The following GGACT variants were observed in gnomAD, a reference collection of about 807,000 sequenced individuals.
GGACT encodes gamma-glutamylaminecyclotransferase.
For synonymous variants in GGACT, 118 were observed against 115.3 expected, an observed-to-expected ratio of 1.02 and a Z score of -0.15; for missense variants, 241 against 233.2, an observed-to-expected ratio of 1.03 and a Z score of -0.22.
At chr13:100,552,200 C>T (rs1029523395) in intron 2 of GGACT, among the ~76,000 whole-genome samples, 1 of 152,178 alleles carries the variant, frequency 6.6e-6, no homozygotes, top group African/African-American at 2.4e-5. Flanking sequence ...AGGGGCTCTC[C>T]AGGAACTGAT....
At chr13:100,547,208 C>A (rs1443271943) in intron 2 of GGACT, among the ~76,000 whole-genome samples, 4 of 152,158 alleles carry the variant, frequency 2.6e-5, no homozygotes, top group Admixed American at 2.6e-4. Context: ...AGAAGCAGGA[C>A]GTGCAGAGTA....
chr13:100,577,888 G>C (rs909434256), intron 2 of GGACT, among the ~76,000 whole-genome samples: 1 of 152,144 alleles, frequency 6.6e-6, no homozygotes, highest in African/African-American at 2.4e-5. Flanking sequence ...ACTGGGATGT[G>C]TCTCTATCCC....
At position 100,530,777 on chromosome 13, in the gene GGACT, CG is replaced by C. The variant is rs1438883037; in HGVS notation, c.*1352del. 4.2e-5 allele frequency: 7 copies of C among 168,288 alleles called. No homozygotes were observed. The highest frequency in any genetic ancestry group is 2.8e-4 in the Admixed American group (5 of 17,668). The allele number at this position is 168,288 out of a possible 1,614,324, so 10.4% of individuals were successfully genotyped here. ...GTCACCCTGAAGCTTCCTGGTTGGC[CG>C]GGGGTGCTGTCTCCACTGTTTTTGT... On this transcript the variant is annotated 3_prime_UTR_variant, in exon 3 of 3. Coordinates refer to ENST00000683975, the MANE Select transcript of GGACT (RefSeq NM_001195087.2).
At chr13:100,583,438 C>G (rs1426965462) in intron 2 of GGACT, among the ~76,000 whole-genome samples, 1 of 152,154 alleles carries the variant, frequency 6.6e-6, no homozygotes, top group Non-Finnish European at 1.5e-5. Flanking sequence ...ATAAATAATT[C>G]TTATAAATCA....
rs897849474 is a variant in GGACT at position 100,534,097 on chromosome 13, A to ACTT, written c.-10-1499_-10-1497dup. Among the ~76,000 whole-genome samples the ACTT allele has an allele frequency of 6.6e-6, 1 of 152,198 alleles. No individual in the cohort carries two copies. The highest frequency in any genetic ancestry group is 6.5e-5 in the Admixed American group (1 of 15,276). On this transcript the variant is annotated intron_variant, in intron 2 of 2. Transcript: ENST00000683975. The surrounding 1 kb of genome is among the most constrained non-coding windows in gnomAD (Gnocchi z 4.9). ...GAAGAAGTCACACTGAACTCATGGGACTTCTGTTTTCTTCTCAGCAAACAA... is the reference window on the plus strand; with the variant it reads ...GAAGAAGTCACACTGAACTCATGGGACTTCTTCTGTTTTCTTCTCAGCAAACAA...
chr13:100,576,193 G>T (rs1194003714), intron 2 of GGACT, among the ~76,000 whole-genome samples: 1 of 152,118 alleles, frequency 6.6e-6, no homozygotes, highest in Non-Finnish European at 1.5e-5. Context: ...CCAATAACTT[G>T]TAAGAGAATT....
chr13:100,551,271 G>A (rs1467636396), intron 2 of GGACT, among the ~76,000 whole-genome samples: 5 of 151,786 alleles, frequency 3.3e-5, no homozygotes, highest in African/African-American at 1.2e-4. Context: ...GCGACAGAGC[G>A]AGACTCTGTC....
At chr13:100,566,581 A>G (rs1383384737) in intron 2 of GGACT, among the ~76,000 whole-genome samples, 12 of 152,210 alleles carry the variant, frequency 7.9e-5, no homozygotes, top group African/African-American at 2.6e-4. Context: ...CCTTTACCAG[A>G]TCCCTGGGGG....
At chr13:100,540,108 G>A (rs561711957) in intron 2 of GGACT, 58 of 1,570,722 alleles carry the variant, frequency 3.7e-5, no homozygotes, top group Middle Eastern at 1.9e-4. Flanking sequence ...TGACTGCTGC[G>A]GCCTCCACTA....
In GGACT at chr13:100,571,303, G is replaced by A. The variant is rs537104723; in HGVS notation, c.-11+12522C>T. 2.0e-5 allele frequency among the ~76,000 whole-genome samples: 3 copies of A among 152,314 alleles called. No individual in the cohort carries two copies. The East Asian group carries it at 5.8e-4, about 29-fold the overall frequency. On this transcript the variant is annotated intron_variant, in intron 2 of 2. Transcript: ENST00000683975. Reference sequence around the variant, plus strand: ...ATGAACTCATCCAAACTGATGCTGTGTCTTCGCAAGGAAAATTGAAAAGAC... The same window carrying A: ...ATGAACTCATCCAAACTGATGCTGTATCTTCGCAAGGAAAATTGAAAAGAC...
intron 2 of GGACT, among the ~76,000 whole-genome samples, chr13:100,561,722 C>A (rs892002130): frequency 1.3e-5 from 2 of 152,192 alleles, no homozygotes; most frequent in Admixed American, 1.3e-4. Context: ...CCCTTCACAC[C>A]TCCAACCCAG....
chr13:100,543,739 G>A (rs1224847280), intron 2 of GGACT, among the ~76,000 whole-genome samples: 1 of 152,246 alleles, frequency 6.6e-6, no homozygotes, highest in Non-Finnish European at 1.5e-5. Context: ...GTAGCATGAA[G>A]CTCAGGCCCC....
At chr13:100,535,288 A>G (rs1180288333) in intron 2 of GGACT, among the ~76,000 whole-genome samples, 3 of 152,220 alleles carry the variant, frequency 2.0e-5, no homozygotes, top group Non-Finnish European at 2.9e-5. Context: ...TGGAGGCAAC[A>G]CTTTTAAGGC....
intron 2 of GGACT, among the ~76,000 whole-genome samples, chr13:100,571,010 T>A (rs1380229067): frequency 1.3e-5 from 2 of 151,970 alleles, no homozygotes; most frequent in African/African-American, 4.8e-5. Flanking sequence ...TTATAGCCCT[T>A]GAGCTGTGTG....
chr13:100,577,707 G>A (rs1453819264), intron 2 of GGACT, among the ~76,000 whole-genome samples: 6 of 152,104 alleles, frequency 3.9e-5, no homozygotes, highest in African/African-American at 7.2e-5. Flanking sequence ...CTGATCCCGG[G>A]TGGGTGGCAC....
At chr13:100,559,661 A>C (rs2088741862) in intron 2 of GGACT, among the ~76,000 whole-genome samples, 1 of 151,468 alleles carries the variant, frequency 6.6e-6, no homozygotes, top group Admixed American at 6.6e-5. Flanking sequence ...CACCTGGCTA[A>C]TTTTTGTATT....
chr13:100,562,342 A>T (rs2153015330), intron 2 of GGACT, among the ~76,000 whole-genome samples: 1 of 152,306 alleles, frequency 6.6e-6, no homozygotes, highest in South Asian at 2.1e-4. Flanking sequence ...TTCCTTGCAC[A>T]AACACCATTT....
chr13:100,554,926 T>C (rs1470285563), intron 2 of GGACT, among the ~76,000 whole-genome samples: 1 of 152,110 alleles, frequency 6.6e-6, no homozygotes, highest in Non-Finnish European at 1.5e-5. Flanking sequence ...ATGAACAACA[T>C]TATACCAATA....
chr13:100,574,511 G>A (rs953681822), intron 2 of GGACT, among the ~76,000 whole-genome samples: 2 of 152,180 alleles, frequency 1.3e-5, no homozygotes, highest in Admixed American at 1.3e-4. Context: ...GGGAGGCAGA[G>A]GTTGCAGTGA....
Sources: gnomAD v4.1 joint callset for allele counts (sites outside exome capture counted in the v4.1 genomes callset) on GRCh38, gnomAD v4.1.1 for gene constraint, Gnocchi (gnomAD v3.1) non-coding constraint, MANE v1.5 for transcripts, NCBI Gene and HGNC (gene_info 2026-07-23, HGNC 2026-07-21) for gene names.